Variants in MACF1 observed in about 807,000 individuals in gnomAD.
MACF1 encodes microtubule actin crosslinking factor 1.
Under a neutral mutation model 854.8 loss-of-function variants are expected in MACF1, and 193 were observed. The ratio of observed to expected loss-of-function variants is 0.23; its 90% confidence interval spans 0.20 to 0.25. The LOEUF (loss-of-function observed/expected upper bound fraction) is 0.25, where lower values mean the gene tolerates loss of function less well. Ranked by LOEUF, MACF1 falls within the 10% of genes least tolerant of loss-of-function variation. The pLI is 1.00. For synonymous variants in MACF1, 3,185 were observed against 3,226.7 expected (o/e 0.99, Z 0.44); for missense variants, 7,722 against 8,929.1 (o/e 0.86, Z 5.45).
chr1:39,261,181 T>A (rs942139257), intron 6 of MACF1, among the ~76,000 whole-genome samples: 1 of 152,236 alleles, frequency 6.6e-6, no homozygotes, highest in African/African-American at 2.4e-5. Context: ...ACAAATTGTG[T>A]TCAGAGAGGT....
chr1:39,101,470 C>G (rs964298774), intron 2 of MACF1, among the ~76,000 whole-genome samples: 1 of 151,612 alleles, frequency 6.6e-6, no homozygotes, highest in African/African-American at 2.4e-5. Flanking sequence ...CTCAAGCAAT[C>G]CTCTGGCCTC....
At chr1:39,425,645 T>A (rs1172381393) in intron 61 of MACF1, among the ~76,000 whole-genome samples, 1 of 152,218 alleles carries the variant, frequency 6.6e-6, no homozygotes. Flanking sequence ...CTTCTGACAA[T>A]GTCCTAACCC....
At position 39,283,364 on chromosome 1, in the gene MACF1, G is replaced by A; in HGVS notation, c.809-45G>A. The A allele has an allele frequency of 6.3e-7, 1 of 1,583,822 alleles. No individual in the cohort carries two copies. The highest frequency in any genetic ancestry group is 8.7e-7 in the Non-Finnish European group (1 of 1,152,514). On this transcript the variant is annotated intron_variant, in intron 8 of 100. Coordinates refer to ENST00000564288, the MANE Select transcript of MACF1 (RefSeq NM_001394062.1). This position sits in a 1 kb window ranked among gnomAD's most constrained non-coding sequence, Gnocchi z 4.5. Reference sequence around the variant, plus strand: ...TATTCAGTATTCCTTCTTCTGGCAAGTTCCTTTGTTCTGACTAAGAAATTT... The same window carrying A: ...TATTCAGTATTCCTTCTTCTGGCAAATTCCTTTGTTCTGACTAAGAAATTT...
intron 2 of MACF1, among the ~76,000 whole-genome samples, chr1:39,097,814 G>C (rs113550032): frequency 6.6e-6 from 1 of 152,106 alleles, no homozygotes; most frequent in Non-Finnish European, 1.5e-5. Flanking sequence ...ACTGCTTCAC[G>C]TGACTCTGAT....
In MACF1 at chr1:39,190,395, G is replaced by GTTTTTTT. The variant is rs750262685; in HGVS notation, c.221-40782_221-40781insTTTTTTT. Among the ~76,000 whole-genome samples, 763 of 78,842 alleles carry GTTTTTTT rather than the reference G, an allele frequency of 9.7e-3. 93 individuals carry two copies. The highest frequency in any genetic ancestry group is 0.012 in the Non-Finnish European group (516 of 42,228). 51.7% of individuals were successfully genotyped at this position (78,842 alleles called of 152,430 possible). A position where few individuals can be genotyped will look rare whatever the true frequency, so the allele number is the denominator to read the frequency against. On this transcript the variant is annotated intron_variant, in intron 2 of 93. Transcript: ENST00000361689. The stretch of plus-strand genomic sequence containing the variant: ...TGTGTGTGTGTGTGTGTGTGTGTTT[G>GTTTTTTT]TTTTTGTTTTTTTTTTTTTTTTTTG...
At chr1:39,316,551 A>T in intron 28 of MACF1, 22 bp downstream of exon 28, 1 of 1,606,146 alleles carries the variant, frequency 6.2e-7, no homozygotes, top group South Asian at 1.1e-5. Context: ...TGAGTTTCTT[A>T]GGAGGTTGAC....
rs1642062539 is a variant in MACF1, at chr1:39,101,108, G to A, written c.220+16670G>A. ...GCGGTGGCTCACGCCTGTAATCCCA[G>A]CACTTTGGGAAGCCGAGGTGGATGG... On this transcript the variant is annotated intron_variant, in intron 2 of 93. Coordinates refer to the MACF1 transcript ENST00000361689. Among the ~76,000 whole-genome samples the A allele has an allele frequency of 1.3e-5, 2 of 151,234 alleles. 1 individual carries two copies. Among genetic ancestry groups the A allele is most frequent in the South Asian group, 4.2e-4 (2 of 4,782 alleles).
At chr1:39,140,769 G>A (rs1287985385) in intron 2 of MACF1, among the ~76,000 whole-genome samples, 3 of 151,854 alleles carry the variant, frequency 2.0e-5, no homozygotes, top group Non-Finnish European at 2.9e-5. Context: ...ACGAAAATTA[G>A]CAGGGCTTGG....
chr1:39,148,628 T>C (rs1393968525), intron 2 of MACF1, among the ~76,000 whole-genome samples: 1 of 152,216 alleles, frequency 6.6e-6, no homozygotes, highest in East Asian at 1.9e-4. Flanking sequence ...TGTATCAGCA[T>C]CATTTATTAA....
chr1:39,407,824 A>G (rs775028011), intron 58 of MACF1, among the ~76,000 whole-genome samples: 16 of 152,240 alleles, frequency 1.1e-4, no homozygotes, highest in Non-Finnish European at 1.8e-4. Context: ...TATTGACCAC[A>G]TGGTCCGACA....
Position 39,477,082 on chromosome 1 carries a change from TATATATATACAC to T in MACF1, c.21959-2714_21959-2703del, listed in dbSNP as rs1440673367. Among the ~76,000 whole-genome samples, 44 of 12,604 alleles carry T rather than the reference TATATATATACAC, an allele frequency of 3.5e-3. 1 individual carries two copies. The highest frequency in any genetic ancestry group is 9.6e-3 in the African/African-American group (32 of 3,318). The allele number at this position is 12,604 out of a possible 152,430, so 8.3% of individuals were successfully genotyped here. On this transcript the variant is annotated intron_variant, in intron 97 of 100. Coordinates refer to ENST00000564288, the MANE Select transcript of MACF1 (RefSeq NM_001394062.1). ...ATATATATATATATATATATATATATATATATATACACACACACACATATATACACTTAGTGT... is the reference window on the plus strand; with the variant it reads ...ATATATATATATATATATATATATATACACACACATATATACACTTAGTGT...
chr1:39,369,940 G>A, intron 50 of MACF1, 90 bp from the exon 51 acceptor site: 1 of 1,187,252 alleles, frequency 8.4e-7, no homozygotes, highest in Non-Finnish European at 1.2e-6. Flanking sequence ...TTAGGTAACT[G>A]ATGTCTGGAG....
intron 85 of MACF1, 34 bp downstream of exon 85, chr1:39,451,245 G>A (rs1462236030): frequency 6.2e-7 from 1 of 1,601,624 alleles, no homozygotes; most frequent in Admixed American, 1.7e-5. Context: ...TTGGAGTGCA[G>A]TGGGTCTTCT....
At chr1:39,432,993 A>C in intron 67 of MACF1, 55 bp from the exon 68 acceptor site, 1 of 1,117,126 alleles carries the variant, frequency 9.0e-7, no homozygotes, top group South Asian at 1.4e-5. Context: ...CTTAACCTTT[A>C]GTAATAACAG....
chr1:39,458,973 T>G (rs1217140271), intron 90 of MACF1, 113 bp from the exon 91 acceptor site: 4 of 953,390 alleles, frequency 4.2e-6, no homozygotes, highest in Non-Finnish European at 6.2e-6. Flanking sequence ...CGTATTTCTT[T>G]TCTCAGTTAT....
chr1:39,167,029 T>C (rs923918266), intron 2 of MACF1, among the ~76,000 whole-genome samples: 3 of 151,980 alleles, frequency 2.0e-5, no homozygotes, highest in Non-Finnish European at 2.9e-5. Context: ...TGGCACAATC[T>C]CGGCTCACTG....
chr1:39,285,701 T>C lies in MACF1; in HGVS notation c.1451T>C (p.Val484Ala). 1 of 1,614,078 alleles carries C rather than the reference T, an allele frequency of 6.2e-7. No individual in the cohort carries two copies. Among genetic ancestry groups the C allele is most frequent in the Non-Finnish European group, 8.5e-7 (1 of 1,180,008 alleles). The change falls in exon 14 of 101, where the codon GTG becomes GCG. Residue 484 changes from valine to alanine, a missense_variant. Physicochemically the swap from Val to Ala is moderately conservative, Grantham distance 64. Transcript: ENST00000564288. ...ECEGLIRQLQ[V>A]DLQILRDENY... ...GAAGGTCTCATCAGGCAGCTGCAGGTGGATCTCCAGATCCTGCGGGATGAG... is the reference window on the plus strand; with the variant it reads ...GAAGGTCTCATCAGGCAGCTGCAGGCGGATCTCCAGATCCTGCGGGATGAG...
chr1:39,107,726 A>G (rs999043070), intron 2 of MACF1, among the ~76,000 whole-genome samples: 3 of 152,226 alleles, frequency 2.0e-5, no homozygotes, highest in Non-Finnish European at 4.4e-5. Flanking sequence ...TGTGAGGATC[A>G]TGCCACGTAT....
In MACF1 at chr1:39,387,980, C is replaced by T. The variant is rs1375034416; in HGVS notation, c.15138C>T (p.Asn5046=). 2 of 1,614,044 alleles carry T rather than the reference C, an allele frequency of 1.2e-6. No individual in the cohort carries two copies. Among genetic ancestry groups the T allele is most frequent in the South Asian group, 2.2e-5 (2 of 91,078 alleles). ...FDALGSQACS[N]KNLEKLRAQQ... ...CTCTGGGTTCTCAAGCCTGTAGCAA[C>T]AAGAACCTGGAGAAGCTAAGAGCTC... The change falls in exon 58 of 101, where the codon AAC becomes AAT. Residue 5046 remains asparagine (N), a synonymous_variant. Transcript: ENST00000564288.
Sources: allele counts gnomAD v4.1 joint callset (sites outside exome capture counted in the v4.1 genomes callset), GRCh38; gene constraint gnomAD v4.1.1; non-coding constraint Gnocchi (gnomAD v3.1); transcripts MANE v1.5; gene names NCBI Gene and HGNC (gene_info 2026-07-23, HGNC 2026-07-21).